ITSN1: variants seen among roughly 807,000 people sequenced by gnomAD.
ITSN1 encodes the protein intersectin-1.
ITSN1 carries 58 observed loss-of-function variants against 239.8 expected under a neutral mutation model. The ratio of observed to expected loss-of-function variants is 0.24; its 90% CI spans 0.20 to 0.30. ITSN1 has a LOEUF of 0.30. ITSN1 is among the 10% of genes least tolerant of loss of function. The pLI is 1.00. For missense variants in ITSN1, 1,558 were observed against 2,103.3 expected (o/e 0.74, Z 5.07); for synonymous variants, 780 against 770.8 (o/e 1.01, Z -0.20).
intron 29 of ITSN1, among the ~76,000 whole-genome samples, chr21:33,838,918 C>T (rs898251689): frequency 1.3e-5 from 2 of 152,150 alleles, no homozygotes; most frequent in African/African-American, 4.8e-5. Flanking sequence ...TTGCACATGC[C>T]CCACGTTGTC....
At chr21:33,783,131 T>C (rs1051996705) in intron 16 of ITSN1, among the ~76,000 whole-genome samples, 1 of 152,252 alleles carries the variant, frequency 6.6e-6, no homozygotes, top group Admixed American at 6.5e-5. Flanking sequence ...ATTTTTGTTA[T>C]TCTTATAAGA....
intron 29 of ITSN1, among the ~76,000 whole-genome samples, chr21:33,843,444 G>A (rs1439099711): frequency 2.0e-5 from 3 of 152,136 alleles, no homozygotes; most frequent in African/African-American, 4.8e-5. Flanking sequence ...TCCACTGGGC[G>A]AGTTTGCCAG....
chr21:33,825,616 C>T (rs1271257152), intron 25 of ITSN1, among the ~76,000 whole-genome samples: 1 of 152,200 alleles, frequency 6.6e-6, no homozygotes, highest in African/African-American at 2.4e-5. Flanking sequence ...ATTGAAACTA[C>T]TTGAACTCTA....
At position 33,775,021 on chromosome 21, in the gene ITSN1, G is replaced by T; in HGVS notation, c.1509G>T (p.Leu503Phe). The T allele has an allele frequency of 6.2e-7, 1 of 1,613,930 alleles. No homozygotes were observed. The highest frequency in any genetic ancestry group is 1.1e-5 in the South Asian group (1 of 91,044). The change falls in exon 14 of 40, where the codon TTG becomes TTT. Residue 503 changes from leucine (L) to phenylalanine (F), a missense_variant. Around this residue, in one of 2 missense-constraint regions of ITSN1, gnomAD observed 982 missense variants for 1,209.9 expected, o/e 0.81. Coordinates refer to ENST00000381318, the MANE Select transcript of ITSN1 (RefSeq NM_003024.3). ...AACTTCAAGATATCAGATGTCGATTGACCACCCAAAGGCAAGAAATTGAGA... is the reference window on the plus strand; with the variant it reads ...AACTTCAAGATATCAGATGTCGATTTACCACCCAAAGGCAAGAAATTGAGA... The part of the protein sequence containing the change: ...EGKLQDIRCR[L>F]TTQRQEIEST...
chr21:33,665,951 G>A (rs1351371964), intron 1 of ITSN1, among the ~76,000 whole-genome samples: 2 of 149,692 alleles, frequency 1.3e-5, no homozygotes, highest in Non-Finnish European at 3.0e-5. Context: ...TTTTTTGAGA[G>A]GGAGTCTCGC....
At chr21:33,875,147 G>A (rs372702667) in intron 33 of ITSN1, among the ~76,000 whole-genome samples, 22 of 152,272 alleles carry the variant, frequency 1.4e-4, no homozygotes, top group South Asian at 6.2e-4. Flanking sequence ...ACTGCTTCCC[G>A]CAATGCCACC....
rs142988236 is a variant in ITSN1, at chr21:33,856,818, C to T, written c.3744C>T (p.Thr1248=). The T allele has an allele frequency of 5.3e-5, 86 of 1,613,956 alleles. 1 individual carries two copies. The Middle Eastern group carries it at 8.2e-4, about 15-fold the overall frequency. ...RQGYIHELIV[T]EENYVNDLQL... Reference sequence around the variant, plus strand: ...GATACATCCACGAGCTCATTGTCACCGAGGAGAACTATGTGAATGACCTGC... The same window carrying T: ...GATACATCCACGAGCTCATTGTCACTGAGGAGAACTATGTGAATGACCTGC... The change falls in exon 30 of 40, where the codon ACC becomes ACT. Residue 1248 remains threonine, a synonymous_variant. Transcript: ENST00000381318.
intron 1 of ITSN1, among the ~76,000 whole-genome samples, chr21:33,652,230 T>C (rs531018105): frequency 6.6e-6 from 1 of 152,064 alleles, no homozygotes; most frequent in South Asian, 2.1e-4. Flanking sequence ...ACCCAGACCT[T>C]TGTGGTTCTG....
At chr21:33,693,315 C>A (rs1568953054) in intron 1 of ITSN1, among the ~76,000 whole-genome samples, 2 of 151,346 alleles carry the variant, frequency 1.3e-5, no homozygotes, top group Admixed American at 6.6e-5. Flanking sequence ...TTGCTCATAC[C>A]CTTCTTGCTG....
chr21:33,846,085 T>C (rs1480798343), intron 29 of ITSN1, among the ~76,000 whole-genome samples: 1 of 152,010 alleles, frequency 6.6e-6, no homozygotes, highest in African/African-American at 2.4e-5. Flanking sequence ...GGTGCTTGGG[T>C]CCAGGGACTT....
intron 1 of ITSN1, among the ~76,000 whole-genome samples, chr21:33,686,831 C>G (rs1255532565): frequency 6.6e-6 from 1 of 152,162 alleles, no homozygotes; most frequent in East Asian, 1.9e-4. Context: ...AGATCTGAGA[C>G]TAGAGCTAGG....
At chr21:33,726,826 AGAG>A (rs1368467661) in intron 4 of ITSN1, among the ~76,000 whole-genome samples, 1 of 152,222 alleles carries the variant, frequency 6.6e-6, no homozygotes, top group Non-Finnish European at 1.5e-5. Context: ...CCAGCAAAGA[AGAG>A]AAGTTTGGAT....
intron 1 of ITSN1, among the ~76,000 whole-genome samples, chr21:33,654,219 ATTTTT>A (rs912312736): frequency 7.5e-6 from 1 of 133,344 alleles, no homozygotes. Flanking sequence ...CACCTGGCTA[ATTTTT>A]TTTTTTTTTT....
rs2088594633 is a variant in ITSN1, at chr21:33,652,110, G to A, written c.-33+9397G>A. On this transcript the variant is annotated intron_variant, in intron 1 of 39. Transcript: ENST00000381318. The stretch of plus-strand genomic sequence containing the variant: ...GTTAATACCCTGTGAAGGTCAACAT[G>A]CTCAAATTACCCAGCAGGTGCCTGG... 2.6e-5 allele frequency among the ~76,000 whole-genome samples: 4 copies of A among 152,102 alleles called. No individual in the cohort carries two copies. The South Asian group carries it at 8.3e-4, about 31-fold the overall frequency.
At chr21:33,820,594 C>A (rs975965334) in intron 24 of ITSN1, among the ~76,000 whole-genome samples, 2 of 152,164 alleles carry the variant, frequency 1.3e-5, no homozygotes, top group African/African-American at 4.8e-5. Flanking sequence ...TTCAGACTCA[C>A]AGTAACAATG....
At chr21:33,792,593 T>C (rs766677102) in intron 16 of ITSN1, among the ~76,000 whole-genome samples, 36 of 152,154 alleles carry the variant, frequency 2.4e-4, no homozygotes, top group Non-Finnish European at 4.6e-4. Flanking sequence ...TAAAATTAAG[T>C]TTTACATCCC....
intron 29 of ITSN1, among the ~76,000 whole-genome samples, chr21:33,848,350 G>A (rs1284184336): frequency 1.3e-5 from 2 of 152,246 alleles, no homozygotes; most frequent in Non-Finnish European, 2.9e-5. Flanking sequence ...CTGCCGAGGA[G>A]AGAGGCCTCA....
Position 33,865,065 on chromosome 21 carries a change from C to A in ITSN1, c.3891-86C>A. The stretch of plus-strand genomic sequence containing the variant: ...CCCTTAAGGCTGTGCCCCTCACACA[C>A]ATTCTGTTTCTGTGCAACCTAAGTG... On this transcript the variant is annotated intron_variant, in intron 31 of 39. Coordinates refer to ENST00000381318, the MANE Select transcript of ITSN1 (RefSeq NM_003024.3). This position sits in a 1 kb window ranked among gnomAD's most constrained non-coding sequence, Gnocchi z 4.4. 1.5e-6 allele frequency: 2 copies of A among 1,341,062 alleles called. No homozygotes were observed. The highest frequency in any genetic ancestry group is 1.5e-5 in the African/African-American group (1 of 68,902). 83.1% of individuals were successfully genotyped at this position (1,341,062 alleles called of 1,614,324 possible).
intron 1 of ITSN1, among the ~76,000 whole-genome samples, chr21:33,660,398 A>G (rs1187108052): frequency 1.3e-5 from 2 of 152,228 alleles, no homozygotes; most frequent in Non-Finnish European, 2.9e-5. Context: ...GCCAGATTAG[A>G]AATTAAAACC....
Sources: allele counts gnomAD v4.1 joint callset (sites outside exome capture counted in the v4.1 genomes callset), GRCh38; gene constraint gnomAD v4.1.1; regional missense constraint gnomAD v4.1.1; non-coding constraint Gnocchi (gnomAD v3.1); transcripts MANE v1.5; gene names NCBI Gene and HGNC (gene_info 2026-07-23, HGNC 2026-07-21).